NRG2: variants seen among roughly 807,000 people sequenced by gnomAD.
NRG2 encodes the protein pro-neuregulin-2, membrane-bound isoform.
In NRG2, 27 loss-of-function variants were observed where a neutral mutation model predicts 73.9. That is an observed-to-expected ratio of 0.37 (90% CI 0.27 to 0.50). The LOEUF (loss-of-function observed/expected upper bound fraction) is 0.50, where lower values mean the gene tolerates loss of function less well. Among genes scored for constraint, NRG2 ranks in the 20% least tolerant of loss-of-function variants. NRG2 has a pLI of 0.96. For synonymous variants in NRG2, 532 were observed against 541.0 expected (o/e 0.98, Z 0.23); for missense variants, 1,126 against 1,210.1 (o/e 0.93, Z 1.03).
At chr5:139,982,424 G>C (rs1004815937) in intron 1 of NRG2, among the ~76,000 whole-genome samples, 1 of 152,090 alleles carries the variant, frequency 6.6e-6, no homozygotes, top group Non-Finnish European at 1.5e-5. Context: ...TGGGAAACCT[G>C]TTCTAATCAC....
chr5:139,858,650 G>A (rs1014479747), intron 5 of NRG2, among the ~76,000 whole-genome samples: 4 of 152,058 alleles, frequency 2.6e-5, no homozygotes, highest in Admixed American at 6.5e-5. Context: ...TCATCTCCAC[G>A]CCCTCACAGT....
At chr5:139,874,846 G>A (rs1763072406) in intron 3 of NRG2, among the ~76,000 whole-genome samples, 1 of 152,114 alleles carries the variant, frequency 6.6e-6, no homozygotes, top group African/African-American at 2.4e-5. Context: ...CCTTTAATAA[G>A]CCAAGTAGTC....
intron 1 of NRG2, among the ~76,000 whole-genome samples, chr5:139,909,437 G>A (rs1765448969): frequency 6.6e-6 from 1 of 152,166 alleles, no homozygotes; most frequent in Admixed American, 6.5e-5. Flanking sequence ...GACTCACTAT[G>A]TCATGGGAAT....
At chr5:139,967,475 T>A (rs1755619789) in intron 1 of NRG2, among the ~76,000 whole-genome samples, 1 of 152,178 alleles carries the variant, frequency 6.6e-6, no homozygotes, top group South Asian at 2.1e-4. Context: ...CAAAAGCTGA[T>A]GAAGACGCTG....
chr5:139,973,154 T>C (rs1352178804), intron 1 of NRG2, among the ~76,000 whole-genome samples: 3 of 22,486 alleles, frequency 1.3e-4, no homozygotes, highest in East Asian at 7.2e-4. Flanking sequence ...AGTAAGAATA[T>C]GCAAAAAAAA....
intron 1 of NRG2, among the ~76,000 whole-genome samples, chr5:139,919,719 C>T (rs1047626245): frequency 6.6e-6 from 1 of 152,116 alleles, no homozygotes; most frequent in African/African-American, 2.4e-5. Context: ...AACTGAATTA[C>T]AATATTAATA....
rs551969434 is a variant in NRG2, at chr5:140,031,681, C to T, written c.700+10689G>A. On this transcript the variant is annotated intron_variant, in intron 1 of 9. Coordinates refer to ENST00000361474, the MANE Select transcript of NRG2 (RefSeq NM_004883.3). ...CTCTCTAAAGCCATACAAAGTAACT[C>T]CAGAAAAGAGGCATCAGTGGGGCAG... Among the ~76,000 whole-genome samples the T allele has an allele frequency of 1.9e-4, 29 of 152,162 alleles. No homozygotes were observed. In the South Asian group the frequency reaches 6.0e-3, roughly 32 times the overall value.
intron 1 of NRG2, among the ~76,000 whole-genome samples, chr5:139,973,794 C>T (rs1033332704): frequency 1.3e-5 from 2 of 152,144 alleles, no homozygotes; most frequent in Admixed American, 6.6e-5. Flanking sequence ...TTTCCTGGTT[C>T]GTAGACAGCT....
intron 6 of NRG2, among the ~76,000 whole-genome samples, chr5:139,855,306 C>T (rs1761735780): frequency 6.6e-6 from 1 of 152,224 alleles, no homozygotes; most frequent in African/African-American, 2.4e-5. Context: ...CGCTACTGCT[C>T]AGGTCCTCAC....
chr5:139,861,772 G>A (rs1260135621), intron 5 of NRG2: 1 of 515,638 alleles, frequency 1.9e-6, no homozygotes, highest in African/African-American at 1.9e-5. Context: ...AAGAACCCTG[G>A]CGCACCTCTC....
chr5:139,859,861 TG>T, intron 5 of NRG2: 1 of 1,609,862 alleles, frequency 6.2e-7, no homozygotes, highest in Non-Finnish European at 8.5e-7. Context: ...ACGCAGATGG[TG>T]CTGAGTGACA....
intron 2 of NRG2, among the ~76,000 whole-genome samples, chr5:139,883,136 T>C (rs1332277499): frequency 2.0e-5 from 3 of 152,008 alleles, no homozygotes; most frequent in South Asian, 4.2e-4. Context: ...GATCCAGGAC[T>C]CTCCTGTCTC....
chr5:139,962,572 T>C (rs759570647), intron 1 of NRG2, among the ~76,000 whole-genome samples: 27 of 151,996 alleles, frequency 1.8e-4, no homozygotes, highest in Admixed American at 2.0e-4. Flanking sequence ...GTGCTCAGGG[T>C]AGGAGTGCAG....
At chr5:139,932,452 T>C (rs1752548634) in intron 1 of NRG2, among the ~76,000 whole-genome samples, 1 of 151,806 alleles carries the variant, frequency 6.6e-6, no homozygotes, top group South Asian at 2.1e-4. Context: ...AGACAGAGAA[T>C]GAAGCATTAG....
intron 1 of NRG2, among the ~76,000 whole-genome samples, chr5:139,975,241 C>T (rs1756295207): frequency 6.6e-6 from 1 of 152,188 alleles, no homozygotes; most frequent in Admixed American, 6.5e-5. Context: ...GCAGTGCTTT[C>T]TGGTGAAAAG....
intron 5 of NRG2, among the ~76,000 whole-genome samples, chr5:139,863,963 C>G (rs764922423): frequency 1.3e-5 from 2 of 152,148 alleles, no homozygotes; most frequent in Non-Finnish European, 2.9e-5. Context: ...ATTTCTCCAC[C>G]CTGAGACCTA....
intron 1 of NRG2, among the ~76,000 whole-genome samples, chr5:140,023,912 C>A (rs1407657500): frequency 6.6e-6 from 1 of 152,120 alleles, no homozygotes; most frequent in Admixed American, 6.5e-5. Flanking sequence ...ATCAAAGAGA[C>A]CAAGCAGGCC....
At chr5:140,022,662 T>C (rs1369483021) in intron 1 of NRG2, among the ~76,000 whole-genome samples, 3 of 152,220 alleles carry the variant, frequency 2.0e-5, no homozygotes, top group Non-Finnish European at 4.4e-5. Context: ...TCTTTATACT[T>C]GAGTTTTCCC....
intron 1 of NRG2, among the ~76,000 whole-genome samples, chr5:140,025,317 GGATAAATCACTTAT>G (rs1760600263): frequency 6.6e-6 from 1 of 152,086 alleles, no homozygotes; most frequent in African/African-American, 2.4e-5. Flanking sequence ...AGAGGGCCCT[GGATAAATCACTTAT>G]GATAAATAAG....
Sources: allele counts gnomAD v4.1 joint callset (sites outside exome capture counted in the v4.1 genomes callset), GRCh38; gene constraint gnomAD v4.1.1; transcripts MANE v1.5; gene names NCBI Gene and HGNC (gene_info 2026-07-23, HGNC 2026-07-21).